The following IFITM10 variants were observed in gnomAD, a reference collection of about 807,000 sequenced individuals.
The protein encoded by IFITM10 is interferon induced transmembrane protein 10, also known as interferon-induced transmembrane protein 10.
In IFITM10, 17 loss-of-function variants were observed where a neutral mutation model predicts 19.0. That is an observed-to-expected ratio of 0.90 (90% confidence interval 0.61 to 1.34). The LOEUF (loss-of-function observed/expected upper bound fraction) is 1.34, where lower values mean the gene tolerates loss of function less well. Ranked by LOEUF, IFITM10 falls within the 40% of genes most tolerant of loss-of-function variation. The pLI is 0.00. For missense variants in IFITM10, 306 were observed against 319.8 expected, an observed-to-expected ratio of 0.96 and a Z score of 0.33; for synonymous variants, 148 against 147.2, an observed-to-expected ratio of 1.01 and a Z score of -0.04.
rs1226642178 is a variant in IFITM10 at position 1,747,962 on chromosome 11, G to A, written c.242C>T (p.Pro81Leu). ...AGGGGCCGCCGGAGCCTGCAGGGCA[G>A]GGGGCTTGGACACGCAAGCGAAGCA... ...KGCFACVSKPPALQAPAAPAP... is the reference protein window; with the variant it reads ...KGCFACVSKPLALQAPAAPAP... Residue 81 changes from proline to leucine, a missense_variant, in exon 2 of 3, where the codon CCT becomes CTT. By Grantham distance (98) the Pro-to-Leu change is moderately conservative. Transcript: ENST00000340134. 3 of 1,464,424 alleles carry A rather than the reference G, an allele frequency of 2.0e-6. No homozygotes were observed. The African/African-American group carries it at 4.3e-5, about 21-fold the overall frequency. 90.7% of individuals were successfully genotyped at this position (1,464,424 alleles called of 1,614,324 possible).
At position 1,734,324 on chromosome 11, in the gene IFITM10, G is replaced by C. The variant is rs1326350485; in HGVS notation, c.*956C>G. The C allele has an allele frequency of 1.3e-5, 2 of 152,268 alleles. No individual in the cohort carries two copies. The highest frequency in any genetic ancestry group is 2.9e-5 in the Non-Finnish European group (2 of 68,092). The allele number at this position is 152,268 out of a possible 1,614,324, so 9.4% of individuals were successfully genotyped here. On this transcript the variant is annotated 3_prime_UTR_variant, in exon 3 of 3. Coordinates refer to ENST00000340134, the MANE Select transcript of IFITM10 (RefSeq NM_001170820.4). ...GGGCGCTGGCCTCGGCCTTTGAAAGGCATCTTCCGTTCATTTTCACAGTGA... is the reference window on the plus strand; with the variant it reads ...GGGCGCTGGCCTCGGCCTTTGAAAGCCATCTTCCGTTCATTTTCACAGTGA...
At chr11:1,746,554 G>A (rs985547022) in intron 2 of IFITM10, 8 of 398,500 alleles carry the variant, frequency 2.0e-5, no homozygotes, top group Non-Finnish European at 3.5e-5. Flanking sequence ...CCGTGCCAGT[G>A]GGCAACGCCG....
chr11:1,747,811 C>A lies in IFITM10; in HGVS notation c.393G>T (p.Lys131Asn). 5 of 1,550,548 alleles carry A rather than the reference C, an allele frequency of 3.2e-6. No homozygotes were observed. In the Admixed American group the frequency reaches 7.9e-5, roughly 24 times the overall value. ...CGGTCGTGGGGTTGGTCATCGTCTT[C>A]TTCTCGGCTAGGTGCTTGCAGGCAG... The part of the protein sequence containing the change: ...APPACKHLAE[K>N]KTMTNPTTVI... Residue 131 changes from lysine to asparagine, a missense_variant, in exon 2 of 3, where the codon AAG becomes AAT. Coordinates refer to ENST00000340134, the MANE Select transcript of IFITM10 (RefSeq NM_001170820.4).
In IFITM10 at chr11:1,747,780, C is replaced by T. The variant is rs1466167153; in HGVS notation, c.424G>A (p.Glu142Lys). 2.6e-6 allele frequency: 4 copies of T among 1,551,502 alleles called. No individual in the cohort carries two copies. Among genetic ancestry groups the T allele is most frequent in the South Asian group, 2.4e-5 (2 of 84,034 alleles). ...ACCTCGGTGGTGTCCGGGTAGACCT[C>T]GATGACGGTCGTGGGGTTGGTCATC... ...KTMTNPTTVI[E>K]VYPDTTEVND... Residue 142 changes from glutamate to lysine, a missense_variant, in exon 2 of 3, where the codon GAG becomes AAG. Glu to Lys is a moderately conservative substitution (Grantham distance 56). Coordinates refer to ENST00000340134, the MANE Select transcript of IFITM10 (RefSeq NM_001170820.4).
intron 2 of IFITM10, among the ~76,000 whole-genome samples, chr11:1,740,235 G>T (rs967915396): frequency 2.1e-4 from 30 of 146,102 alleles, no homozygotes; most frequent in African/African-American, 6.2e-4. Context: ...AGGAGGCGTA[G>T]GTTGCAGTGA....
In IFITM10 at chr11:1,735,085, G is replaced by T; in HGVS notation, c.*195C>A. 1.7e-6 allele frequency: 1 copy of T among 593,834 alleles called. No individual in the cohort carries two copies. 36.8% of individuals were successfully genotyped at this position (593,834 alleles called of 1,614,324 possible). On this transcript the variant is annotated 3_prime_UTR_variant, in exon 3 of 3. Coordinates refer to ENST00000340134, the MANE Select transcript of IFITM10 (RefSeq NM_001170820.4). ...GTGGAGGCCAGGAGGCGGAGGGGGT[G>T]GACTGAGGGCCAAGCTCACTGCCCC...
chr11:1,746,361 CA>C (rs1175493725), intron 2 of IFITM10: 3 of 393,992 alleles, frequency 7.6e-6, no homozygotes, highest in African/African-American at 2.1e-5. Flanking sequence ...CATGCACACA[CA>C]AAAATATATG....
At chr11:1,735,468 A>G in intron 2 of IFITM10, 39 bp from the exon 3 acceptor site, 1 of 1,542,918 alleles carries the variant, frequency 6.5e-7, no homozygotes, top group South Asian at 1.2e-5. Flanking sequence ...GCAGTCAGCC[A>G]GGGAGCAGGG....
In IFITM10 at chr11:1,735,196, C is replaced by A; in HGVS notation, c.*84G>T. The A allele has an allele frequency of 2.1e-6, 3 of 1,455,150 alleles. No homozygotes were observed. Among genetic ancestry groups the A allele is most frequent in the Non-Finnish European group, 2.8e-6 (3 of 1,075,140 alleles). 90.1% of individuals were successfully genotyped at this position (1,455,150 alleles called of 1,614,324 possible). A position where few individuals can be genotyped will look rare whatever the true frequency, so the allele number is the denominator to read the frequency against. ...GACAAGAAGCCCTGCCCTGCCCCAA[C>A]CTCATGGGATCCTGCGTTTCAGGGA... On this transcript the variant is annotated 3_prime_UTR_variant, in exon 3 of 3. Coordinates refer to ENST00000340134, the MANE Select transcript of IFITM10 (RefSeq NM_001170820.4).
intron 2 of IFITM10, among the ~76,000 whole-genome samples, chr11:1,741,463 G>C (rs531947011): frequency 9.9e-5 from 15 of 152,036 alleles, no homozygotes; most frequent in Non-Finnish European, 1.9e-4. Context: ...GAGCGGGAGA[G>C]AGAACAGGCT....
Position 1,735,172 on chromosome 11 carries a change from A to T in IFITM10, c.*108T>A. 9.5e-6 allele frequency: 12 copies of T among 1,269,368 alleles called. 1 individual carries two copies. In the South Asian group the frequency reaches 1.8e-4, roughly 19 times the overall value. 78.6% of individuals were successfully genotyped at this position (1,269,368 alleles called of 1,614,324 possible). A position where few individuals can be genotyped will look rare whatever the true frequency, so the allele number is the denominator to read the frequency against. On this transcript the variant is annotated 3_prime_UTR_variant, in exon 3 of 3. Coordinates refer to ENST00000340134, the MANE Select transcript of IFITM10 (RefSeq NM_001170820.4). ...GTTCACAGCTCAAGGGGGCCCCAGG[A>T]CAAGAAGCCCTGCCCTGCCCCAACC...
chr11:1,746,910 A>T, intron 2 of IFITM10: 1 of 397,692 alleles, frequency 2.5e-6, no homozygotes, highest in Non-Finnish European at 4.4e-6. Flanking sequence ...TCCCTTCCCC[A>T]GGAAGGGCTC....
At chr11:1,736,672 A>AAGTGGGTGGAATGGATGGAGTGC (rs1851090401) in intron 2 of IFITM10, among the ~76,000 whole-genome samples, 3 of 143,934 alleles carry the variant, frequency 2.1e-5, no homozygotes, top group East Asian at 4.1e-4. Context: ...GGATGGAGTG[A>AAGTGGGTGGAATGGATGGAGTGC]AGTGGGTGGA....
intron 2 of IFITM10, among the ~76,000 whole-genome samples, chr11:1,740,913 T>C (rs1176253742): frequency 6.6e-6 from 1 of 151,474 alleles, no homozygotes; most frequent in African/African-American, 2.4e-5. Flanking sequence ...GTGAGGTGCC[T>C]CCCCCTTATC....
Position 1,735,368 on chromosome 11 carries a change from C to A in IFITM10, c.599G>T (p.Arg200Leu). 1 of 1,551,656 alleles carries A rather than the reference C, an allele frequency of 6.4e-7. No homozygotes were observed. The highest frequency in any genetic ancestry group is 1.7e-4 in the Middle Eastern group (1 of 5,992). ...GGCAGAACTGGTGATGTTGAACAGC[C>A]GGGCCGTCTTTGCATCCTCCACGGC... Reference protein sequence around the residue: ...NGAVEDAKTARLFNITSSALA... With the variant: ...NGAVEDAKTALLFNITSSALA... Residue 200 changes from arginine (R) to leucine (L), a missense_variant, in exon 3 of 3, where the codon CGG becomes CTG. Arg to Leu is a moderately radical substitution (Grantham distance 102). Transcript: ENST00000340134.
At chr11:1,736,643 G>A (rs1271941853) in intron 2 of IFITM10, among the ~76,000 whole-genome samples, 1 of 151,776 alleles carries the variant, frequency 6.6e-6, no homozygotes, top group Admixed American at 6.6e-5. Flanking sequence ...TGGAATGGAT[G>A]GAGTGAAGTG....
intron 2 of IFITM10, among the ~76,000 whole-genome samples, chr11:1,739,069 A>T (rs2133642190): frequency 6.6e-6 from 1 of 151,302 alleles, no homozygotes; most frequent in Admixed American, 6.6e-5. Context: ...AAAAAAAAAA[A>T]AAAAAAAAAA....
chr11:1,741,125 A>C (rs1243037123), intron 2 of IFITM10, among the ~76,000 whole-genome samples: 2 of 151,916 alleles, frequency 1.3e-5, no homozygotes, highest in East Asian at 3.9e-4. Flanking sequence ...ACTCTCTCTC[A>C]GGTATTTCTT....
intron 2 of IFITM10, among the ~76,000 whole-genome samples, chr11:1,742,138 G>A (rs1845575540): frequency 6.6e-6 from 1 of 152,204 alleles, no homozygotes; most frequent in African/African-American, 2.4e-5. Flanking sequence ...ATAAAGCCAA[G>A]GAAGGAAAGA....
Sources: allele counts gnomAD v4.1 joint callset (sites outside exome capture counted in the v4.1 genomes callset), GRCh38; gene constraint gnomAD v4.1.1; transcripts MANE v1.5; gene names NCBI Gene and HGNC (gene_info 2026-07-23, HGNC 2026-07-21).